Variants in RIMS3 observed in about 807,000 individuals in gnomAD.
RIMS3 encodes regulating synaptic membrane exocytosis protein 3.
A neutral mutation model predicts 29.2 loss-of-function variants in RIMS3; 15 were observed. That is an observed-to-expected ratio of 0.51 (90% confidence interval 0.34 to 0.79). The LOEUF (loss-of-function observed/expected upper bound fraction) is 0.79, where lower values mean the gene tolerates loss of function less well. Ranked by LOEUF, RIMS3 falls within the 30% of genes least tolerant of loss-of-function variation. The pLI is 0.01. For missense variants in RIMS3, 342 were observed against 421.4 expected (o/e 0.81, Z 1.65); for synonymous variants, 161 against 170.1 (o/e 0.95, Z 0.41).
In RIMS3 at chr1:40,636,292, G is replaced by A. The variant is rs1646519323; in HGVS notation, c.218-235C>T. 1.3e-5 allele frequency among the ~76,000 whole-genome samples: 2 copies of A among 152,186 alleles called. No individual in the cohort carries two copies. Among genetic ancestry groups the A allele is most frequent in the Non-Finnish European group, 1.5e-5 (1 of 68,026 alleles). On this transcript the variant is annotated intron_variant, in intron 3 of 7. Coordinates refer to ENST00000372684, the MANE Select transcript of RIMS3 (RefSeq NM_014747.3). This position sits in a 1 kb window ranked among gnomAD's most constrained non-coding sequence, Gnocchi z 4.2. ...GACAGAGCAGACTAGAAAGATGGCT[G>A]CAGGCAGAGTCATGATGGCGCCACC...
the RIMS3 span, chr1:40,692,017 T>C: frequency 4.2e-6 from 1 of 238,020 alleles, no homozygotes; most frequent in African/African-American, 2.4e-5. Flanking sequence ...CATGTTGTGC[T>C]CTTGCCTGGC....
chr1:40,634,941 C>CAAAA (rs111853416), intron 4 of RIMS3, among the ~76,000 whole-genome samples: 1 of 93,112 alleles, frequency 1.1e-5, no homozygotes, highest in Non-Finnish European at 2.2e-5. Flanking sequence ...AACTCCATCA[C>CAAAA]AAAAAAAAAA....
chr1:40,687,257 T>C, the RIMS3 span, among the ~76,000 whole-genome samples: 2 of 152,148 alleles, frequency 1.3e-5, no homozygotes, highest in African/African-American at 2.4e-5. Context: ...ATTCTGCTGA[T>C]GGATGCACAA....
At chr1:40,644,881 TC>T (rs907644563) in intron 2 of RIMS3, among the ~76,000 whole-genome samples, 1 of 152,116 alleles carries the variant, frequency 6.6e-6, no homozygotes, top group African/African-American at 2.4e-5. Context: ...GTCTGCCTAT[TC>T]AAAAGGACAC....
At chr1:40,666,237 GCTCT>G (rs1642424199), upstream of RIMS3, among the ~76,000 whole-genome samples, 1 of 152,146 alleles carries the variant, frequency 6.6e-6, no homozygotes, top group African/African-American at 2.4e-5. Flanking sequence ...CTTCCCCTGC[GCTCT>G]CTACTTCTAG....
the RIMS3 span, among the ~76,000 whole-genome samples, chr1:40,673,691 T>A: frequency 6.6e-6 from 1 of 152,350 alleles, no homozygotes; most frequent in Non-Finnish European, 1.5e-5. Flanking sequence ...TGTCACCTCC[T>A]CCTGGAAGTC....
chr1:40,641,579 G>A (rs1646557798), intron 3 of RIMS3, 130 bp downstream of exon 3: 4 of 830,946 alleles, frequency 4.8e-6, no homozygotes, highest in Non-Finnish European at 7.7e-6. Flanking sequence ...ACAGCACCTG[G>A]TGTATGGGAA....
chr1:40,630,906 T>C lies in RIMS3; in HGVS notation c.473-1534A>G, dbSNP rs149704739. On this transcript the variant is annotated intron_variant, in intron 5 of 7. Transcript: ENST00000372684. ...CCAGCCTTTGCTTTCAGCTGATCCT[T>C]GCCCTCTGAGGGTCCCCATCATCTC... 1.7e-3 allele frequency among the ~76,000 whole-genome samples: 259 copies of C among 152,316 alleles called. 4 individuals carry two copies. The highest frequency in any genetic ancestry group is 6.0e-3 in the African/African-American group (249 of 41,582).
chr1:40,634,729 G>A (rs1646508960), intron 4 of RIMS3, among the ~76,000 whole-genome samples: 1 of 152,124 alleles, frequency 6.6e-6, no homozygotes, highest in Non-Finnish European at 1.5e-5. Flanking sequence ...ATCACCTGAG[G>A]TTGGGAGTTC....
rs534561484 is a variant in RIMS3, at chr1:40,654,380, C to G, written c.-206-6538G>C. ...GCATTCCCTGCAACCTCTCCACCCC[C>G]GGACCCTTTCAGGGCACAAAGACCC... On this transcript the variant is annotated intron_variant, in intron 1 of 7. Transcript: ENST00000372684. This position sits in a 1 kb window ranked among gnomAD's most constrained non-coding sequence, Gnocchi z 5.3. Among the ~76,000 whole-genome samples, 3 of 152,304 alleles carry G rather than the reference C, an allele frequency of 2.0e-5. No individual in the cohort carries two copies. Among genetic ancestry groups the G allele is most frequent in the South Asian group, 4.1e-4 (2 of 4,826 alleles).
At chr1:40,688,582 C>A in the RIMS3 span, among the ~76,000 whole-genome samples, 2 of 152,140 alleles carry the variant, frequency 1.3e-5, no homozygotes, top group Non-Finnish European at 2.9e-5. Flanking sequence ...CTCTAGGTGG[C>A]AGATCACTTA....
At position 40,665,549 on chromosome 1, in the gene RIMS3, A is replaced by ATAT. The variant is rs1642412091; in HGVS notation, c.-363_-362insATA. 1 of 152,068 alleles carries ATAT rather than the reference A, an allele frequency of 6.6e-6. No individual in the cohort carries two copies. The highest frequency in any genetic ancestry group is 2.4e-5 in the African/African-American group (1 of 41,432). 9.4% of individuals were successfully genotyped at this position (152,068 alleles called of 1,614,324 possible). ...TGGCGCGGACTCCGAGTGGATAGGCACGCGGGGCGGGGAGGGGCGGCGAGG... is the reference window on the plus strand; with the variant it reads ...TGGCGCGGACTCCGAGTGGATAGGCATATCGCGGGGCGGGGAGGGGCGGCGAGG... On this transcript the variant is annotated 5_prime_UTR_variant, in exon 1 of 8. It adds an upstream start codon to the 5' untranslated region. Transcript: ENST00000372684.
chr1:40,684,151 T>C, the RIMS3 span, among the ~76,000 whole-genome samples: 10 of 152,330 alleles, frequency 6.6e-5, 1 homozygote, highest in South Asian at 4.1e-4. Flanking sequence ...TTGGGACTAA[T>C]TGGTTACCAT....
Position 40,654,106 on chromosome 1 carries a change from T to C in RIMS3, c.-206-6264A>G, listed in dbSNP as rs1642235954. On this transcript the variant is annotated intron_variant, in intron 1 of 7. Transcript: ENST00000372684. The surrounding 1 kb of genome is among the most constrained non-coding windows in gnomAD (Gnocchi z 5.3). Reference sequence around the variant, plus strand: ...CCACGGACAGCGGCTGGCGACTCGCTCCCAGTCCCTCCCCCGCCTGCCCTC... The same window carrying C: ...CCACGGACAGCGGCTGGCGACTCGCCCCCAGTCCCTCCCCCGCCTGCCCTC... Among the ~76,000 whole-genome samples the C allele has an allele frequency of 6.6e-6, 1 of 151,028 alleles. No individual in the cohort carries two copies. The highest frequency in any genetic ancestry group is 2.4e-5 in the African/African-American group (1 of 40,934).
At position 40,635,298 on chromosome 1, in the gene RIMS3, G is replaced by A. The variant is rs1005188749; in HGVS notation, c.359+618C>T. On this transcript the variant is annotated intron_variant, in intron 4 of 7. Transcript: ENST00000372684. The surrounding 1 kb of genome is among the most constrained non-coding windows in gnomAD (Gnocchi z 4.1). ...TTAATGCAACCTACATGTAAGAAAG[G>A]AGATTTAACATCATGACCCAGGACA... Among the ~76,000 whole-genome samples the A allele has an allele frequency of 1.3e-5, 2 of 152,190 alleles. No individual in the cohort carries two copies. Among genetic ancestry groups the A allele is most frequent in the Non-Finnish European group, 2.9e-5 (2 of 68,034 alleles).
At chr1:40,680,980 G>A in the RIMS3 span, among the ~76,000 whole-genome samples, 2 of 152,148 alleles carry the variant, frequency 1.3e-5, no homozygotes, top group Non-Finnish European at 2.9e-5. Flanking sequence ...GAAAGCCACA[G>A]TGTGCCAGCT....
chr1:40,635,933 G>T lies in RIMS3; in HGVS notation c.342C>A (p.Ser114Arg). 1 of 1,612,998 alleles carries T rather than the reference G, an allele frequency of 6.2e-7. No individual in the cohort carries two copies. Reference sequence around the variant, plus strand: ...GCACGCACGTGCCGTCGGAGCTGTTGCTGTTGGTGCTCCCATCGGTGGACT... The same window carrying T: ...GCACGCACGTGCCGTCGGAGCTGTTTCTGTTGGTGCTCCCATCGGTGGACT... The part of the protein sequence containing the change: ...SRESTDGSTN[S>R]NSSDGTFIFP... Residue 114 changes from serine to arginine, a missense_variant, in exon 4 of 8, where the codon AGC becomes AGA. Physicochemically the swap from Ser to Arg is moderately radical, Grantham distance 110. Transcript: ENST00000372684. This position sits in a 1 kb window ranked among gnomAD's most constrained non-coding sequence, Gnocchi z 4.1.
At chr1:40,662,291 C>T (rs895983692) in intron 1 of RIMS3, among the ~76,000 whole-genome samples, 8 of 152,166 alleles carry the variant, frequency 5.3e-5, no homozygotes, top group African/African-American at 1.7e-4. Context: ...GTTCCCCTTC[C>T]TCATCCCTTC....
At chr1:40,656,511 C>T (rs1321847449) in intron 1 of RIMS3, among the ~76,000 whole-genome samples, 8 of 151,988 alleles carry the variant, frequency 5.3e-5, no homozygotes, top group African/African-American at 1.9e-4. Flanking sequence ...AGGCCGGGCG[C>T]GGTGGCTCAC....
Sources: allele counts gnomAD v4.1 joint callset (sites outside exome capture counted in the v4.1 genomes callset), GRCh38; gene constraint gnomAD v4.1.1; non-coding constraint Gnocchi (gnomAD v3.1); transcripts MANE v1.5; gene names NCBI Gene and HGNC (gene_info 2026-07-23, HGNC 2026-07-21).